KDM3B: variants seen among roughly 807,000 people sequenced by gnomAD.
KDM3B encodes the protein lysine demethylase 3B, also known as lysine-specific demethylase 3B.
A neutral mutation model predicts 170.0 loss-of-function variants in KDM3B; 10 were observed. That is an observed-to-expected ratio of 0.06 (90% CI 0.04 to 0.10). KDM3B has a LOEUF of 0.10. Ranked by LOEUF, KDM3B falls within the 10% of genes least tolerant of loss-of-function variation. KDM3B has a pLI of 1.00. For synonymous variants in KDM3B, 831 were observed against 834.8 expected (o/e 1.00, Z 0.08); for missense variants, 1,394 against 2,195.2 (o/e 0.64, Z 7.29).
At chr5:138,383,462 A>T (rs1762175611) in intron 6 of KDM3B, among the ~76,000 whole-genome samples, 1 of 152,082 alleles carries the variant, frequency 6.6e-6, no homozygotes, top group Non-Finnish European at 1.5e-5. Context: ...TTAGCAGCAG[A>T]TGTTGGGTCT....
In KDM3B at chr5:138,383,114, T is replaced by G. The variant is rs376598068; in HGVS notation, c.780+1524T>G. ...AGGCTCTGCAAGTTGGCTGGATGACTTATAGGTGGGATGTTTGTTTTTGTT... is the reference window on the plus strand; with the variant it reads ...AGGCTCTGCAAGTTGGCTGGATGACGTATAGGTGGGATGTTTGTTTTTGTT... On this transcript the variant is annotated intron_variant, in intron 6 of 23. Transcript: ENST00000314358. 5.9e-4 allele frequency among the ~76,000 whole-genome samples: 90 copies of G among 152,178 alleles called. No homozygotes were observed. In the South Asian group the frequency reaches 0.017, roughly 29 times the overall value.
At chr5:138,360,465 A>G (rs998478887) in intron 1 of KDM3B, among the ~76,000 whole-genome samples, 7 of 151,600 alleles carry the variant, frequency 4.6e-5, no homozygotes, top group African/African-American at 7.3e-5. Context: ...ACACTGAGCC[A>G]TGGTTGAGTT....
At chr5:138,406,096 C>G (rs1762812676) in intron 11 of KDM3B, among the ~76,000 whole-genome samples, 1 of 152,138 alleles carries the variant, frequency 6.6e-6, no homozygotes, top group African/African-American at 2.4e-5. Flanking sequence ...CTTGCAATCC[C>G]AACACTTTGA....
At chr5:138,356,453 G>T (rs1234685761) in intron 1 of KDM3B, among the ~76,000 whole-genome samples, 3 of 151,890 alleles carry the variant, frequency 2.0e-5, no homozygotes, top group African/African-American at 7.3e-5. Flanking sequence ...TAATTTTCAT[G>T]ACTATTTGTC....
chr5:138,405,654 C>A (rs7702238), intron 11 of KDM3B, among the ~76,000 whole-genome samples: 38,297 of 151,934 alleles, frequency 0.25, 5,436 homozygotes, highest in East Asian at 0.56. Context: ...TCAGAACTTA[C>A]ACAAAGTAAT....
intron 10 of KDM3B, among the ~76,000 whole-genome samples, chr5:138,399,177 C>T (rs752772837): frequency 4.9e-4 from 75 of 151,762 alleles, no homozygotes; most frequent in Middle Eastern, 6.8e-3. Context: ...TGTGAGCCAC[C>T]GCGCCCGGCC....
In KDM3B at chr5:138,431,623, A is replaced by G. The variant is rs552784661; in HGVS notation, c.5205+64A>G. 24 of 1,349,200 alleles carry G rather than the reference A, an allele frequency of 1.8e-5. No homozygotes were observed. In the East Asian group the frequency reaches 2.1e-4, roughly 12 times the overall value. The allele number at this position is 1,349,200 out of a possible 1,614,324, so 83.6% of individuals were successfully genotyped here. On this transcript the variant is annotated intron_variant, in intron 23 of 23. Transcript: ENST00000314358. ...TTGCATACTCACATACATTACGCAG[A>G]AAGCACATTCTCCTTTCTGAGGGTA...
chr5:138,373,280 C>T (rs916587850), intron 2 of KDM3B, among the ~76,000 whole-genome samples: 1 of 151,886 alleles, frequency 6.6e-6, no homozygotes, highest in African/African-American at 2.4e-5. Context: ...GTTGAGGCTA[C>T]AGTGAGCCGT....
At chr5:138,405,763 AAC>A (rs1372624296) in intron 11 of KDM3B, among the ~76,000 whole-genome samples, 1 of 152,244 alleles carries the variant, frequency 6.6e-6, no homozygotes, top group Non-Finnish European at 1.5e-5. Flanking sequence ...CAAAAATAGT[AAC>A]AATATATTTT....
At chr5:138,368,789 A>G (rs1336887509) in intron 1 of KDM3B, among the ~76,000 whole-genome samples, 1 of 152,188 alleles carries the variant, frequency 6.6e-6, no homozygotes, top group Non-Finnish European at 1.5e-5. Context: ...ACTTTATTCC[A>G]TGTCCTTTGC....
chr5:138,435,591 G>A (rs1429257569), intron 23 of KDM3B, 29 bp from the exon 24 acceptor site: 24 of 1,586,646 alleles, frequency 1.5e-5, no homozygotes, highest in Non-Finnish European at 2.0e-5. Context: ...GGGCTGCTGT[G>A]AACTGACTTT....
At chr5:138,392,383 A>G in intron 8 of KDM3B, 122 bp downstream of exon 8, 1 of 1,062,424 alleles carries the variant, frequency 9.4e-7, no homozygotes, top group Non-Finnish European at 1.3e-6. Flanking sequence ...AGAATTACAG[A>G]GCCAAGAGGA....
chr5:138,406,135 A>G (rs1762813593), intron 11 of KDM3B, among the ~76,000 whole-genome samples: 1 of 152,220 alleles, frequency 6.6e-6, no homozygotes, highest in Non-Finnish European at 1.5e-5. Context: ...ACTTGAGGCC[A>G]GGAGTTCAAG....
intron 10 of KDM3B, among the ~76,000 whole-genome samples, chr5:138,399,082 G>A (rs1043224182): frequency 2.0e-5 from 3 of 150,918 alleles, no homozygotes; most frequent in Admixed American, 2.0e-4. Context: ...TAGGGACAGC[G>A]TTTCGCCGTG....
chr5:138,392,020 G>A lies in KDM3B; in HGVS notation c.2388G>A (p.Arg796=), dbSNP rs776648161. ...ENKAPFEAVK[R]FSLDERSLAC... ...AAGCTCCTTTTGAAGCTGTGAAAAG[G>A]TTCTCACTGGATGAACGAAGCTTGG... Residue 796 remains arginine, a synonymous_variant, in exon 8 of 24, where the codon AGG becomes AGA. Transcript: ENST00000314358. 6.2e-7 allele frequency: 1 copy of A among 1,614,106 alleles called. No individual in the cohort carries two copies. Among genetic ancestry groups the A allele is most frequent in the East Asian group, 2.2e-5 (1 of 44,888 alleles).
intron 11 of KDM3B, among the ~76,000 whole-genome samples, chr5:138,410,819 CAAAG>C (rs766552094): frequency 1.2e-4 from 19 of 152,326 alleles, no homozygotes; most frequent in South Asian, 4.1e-4. Context: ...AGAGAGGAGA[CAAAG>C]AGAAAGACAG....
chr5:138,436,460 A>G lies in KDM3B; in HGVS notation c.*760A>G, dbSNP rs1763675650. ...TGAAGAAATATGATTTTTAGAAATC[A>G]GCTACCCATTATAGCACAAAATCAG... On this transcript the variant is annotated 3_prime_UTR_variant, in exon 24 of 24. Coordinates refer to ENST00000314358, the MANE Select transcript of KDM3B (RefSeq NM_016604.4). 1 of 152,260 alleles carries G rather than the reference A, an allele frequency of 6.6e-6. No homozygotes were observed. The highest frequency in any genetic ancestry group is 6.5e-5 in the Admixed American group (1 of 15,284). 9.4% of individuals were successfully genotyped at this position (152,260 alleles called of 1,614,324 possible). A position where few individuals can be genotyped will look rare whatever the true frequency, so the allele number is the denominator to read the frequency against.
In KDM3B at chr5:138,391,512, A is replaced by C; in HGVS notation, c.1880A>C (p.Lys627Thr). The part of the protein sequence containing the change: ...NHENLFLQPP[K>T]LSREEPSNPF... ...GAAAATCTATTTTTACAGCCCCCCA[A>C]ATTGTCCCGAGAAGAGCCTTCTAAT... is the stretch of plus-strand genomic sequence containing the variant. The change falls in exon 8 of 24, where the codon AAA becomes ACA. Residue 627 changes from lysine to threonine, a missense_variant. Lys to Thr is a moderately conservative substitution (Grantham distance 78, BLOSUM62 -1). This residue lies in a region of KDM3B where 294 missense variants were observed against 311.7 expected (regional missense o/e 0.94). Transcript: ENST00000314358. The surrounding 1 kb of genome is among the most constrained non-coding windows in gnomAD (Gnocchi z 5.0). 1 of 1,613,882 alleles carries C rather than the reference A, an allele frequency of 6.2e-7. No individual in the cohort carries two copies.
In KDM3B at chr5:138,386,568, G is replaced by A; in HGVS notation, c.1327G>A (p.Ala443Thr). ...GAGGATCTCAGACACTGGCCTTGCA[G>A]CAGGGACTGTGCCAGAAAAACAGAA... ...TVRISDTGLAAGTVPEKQKGS... is the reference protein window; with the variant it reads ...TVRISDTGLATGTVPEKQKGS... The change falls in exon 7 of 24, where the codon GCA (alanine) becomes ACA (threonine). Residue 443 changes from alanine (A) to threonine (T), a missense_variant. This residue lies in a region of KDM3B where 205 missense variants were observed against 227.6 expected (regional missense o/e 0.90). Coordinates refer to ENST00000314358, the MANE Select transcript of KDM3B (RefSeq NM_016604.4). The A allele has an allele frequency of 1.9e-6, 3 of 1,614,178 alleles. No homozygotes were observed. The highest frequency in any genetic ancestry group is 2.5e-6 in the Non-Finnish European group (3 of 1,180,008).
Sources: allele counts gnomAD v4.1 joint callset (sites outside exome capture counted in the v4.1 genomes callset), GRCh38; gene constraint gnomAD v4.1.1; regional missense constraint gnomAD v4.1.1; non-coding constraint Gnocchi (gnomAD v3.1); transcripts MANE v1.5; gene names NCBI Gene and HGNC (gene_info 2026-07-23, HGNC 2026-07-21).